Variants in SLC16A1 observed in about 807,000 individuals in gnomAD.
SLC16A1 encodes monocarboxylate transporter 1.
In SLC16A1, 11 loss-of-function variants were observed where a neutral mutation model predicts 32.2. The ratio of observed to expected loss-of-function variants is 0.34; its 90% CI spans 0.21 to 0.56. The LOEUF is 0.56. SLC16A1 is among the 20% of genes least tolerant of loss of function. The probability of loss-of-function intolerance (pLI) is 0.87; values close to 1 mark genes in which losing one functional copy is unlikely to be tolerated. For missense variants in SLC16A1, 435 were observed against 615.0 expected, an observed-to-expected ratio of 0.71 and a Z score of 3.10; for synonymous variants, 231 against 226.8, an observed-to-expected ratio of 1.02 and a Z score of -0.17.
intron 1 of SLC16A1, chr1:112,955,447 C>T (rs1201639981): frequency 6.6e-6 from 1 of 152,256 alleles, no homozygotes; most frequent in South Asian, 2.1e-4. Context: ...CGGGCTGCCC[C>T]GTCCCCTCCG....
chr1:112,923,325 C>T (rs1648806547), intron 2 of SLC16A1: 1 of 446,094 alleles, frequency 2.2e-6, no homozygotes, highest in Admixed American at 3.4e-5. Context: ...AAACAAACAG[C>T]AATCCCTAAA....
chr1:112,948,134 C>T (rs1226507019), intron 1 of SLC16A1, among the ~76,000 whole-genome samples: 3 of 151,992 alleles, frequency 2.0e-5, no homozygotes, highest in South Asian at 2.1e-4. Context: ...GCAAGAGAAT[C>T]GCTTGAACCC....
Position 112,923,949 on chromosome 1 carries a change from G to A in SLC16A1, c.218-1816C>T, listed in dbSNP as rs141246073. The stretch of plus-strand genomic sequence containing the variant: ...GAGGTTCTATGCCTTCAACCCTCTG[G>A]CTGGGGACCTGCTGACTGGCAAGTA... On this transcript the variant is annotated intron_variant, in intron 2 of 4. Coordinates refer to ENST00000369626, the MANE Select transcript of SLC16A1 (RefSeq NM_003051.4). 1.6e-3 allele frequency: 2,347 copies of A among 1,512,754 alleles called. 39 individuals are homozygous for A. The African/African-American group carries it at 0.028, about 18-fold the overall frequency. The allele number at this position is 1,512,754 out of a possible 1,614,324, so 93.7% of individuals were successfully genotyped here. A position where few individuals can be genotyped will look rare whatever the true frequency, so the allele number is the denominator to read the frequency against.
Position 112,917,772 on chromosome 1 carries a change from C to A in SLC16A1, c.634G>T (p.Ala212Ser). The change falls in exon 4 of 5, where the codon GCA becomes TCA. Residue 212 changes from alanine to serine, a missense_variant. Ala to Ser is a moderately conservative substitution (Grantham distance 99). This residue lies in a region of SLC16A1 where 324 missense variants were observed against 500.3 expected (regional missense o/e 0.65). Coordinates refer to ENST00000369626, the MANE Select transcript of SLC16A1 (RefSeq NM_003051.4). The surrounding 1 kb of genome is among the most constrained non-coding windows in gnomAD (Gnocchi z 4.1). ...GATTTTCCAGCTTTCTCAAGGGATG[C>A]TTTAGACTTATCTTTCCCTGCCTTG... ...PTKAGKDKSK[A>S]SLEKAGKSGV... 6.2e-7 allele frequency: 1 copy of A among 1,614,180 alleles called. No homozygotes were observed. Among genetic ancestry groups the A allele is most frequent in the Middle Eastern group, 1.6e-4 (1 of 6,062 alleles).
At chr1:112,947,396 C>G (rs943320142) in intron 1 of SLC16A1, among the ~76,000 whole-genome samples, 1 of 152,128 alleles carries the variant, frequency 6.6e-6, no homozygotes, top group Non-Finnish European at 1.5e-5. Context: ...ATTTCTATTA[C>G]AATCTACTTC....
intron 1 of SLC16A1, among the ~76,000 whole-genome samples, chr1:112,947,335 T>C (rs913658791): frequency 6.6e-6 from 1 of 152,246 alleles, no homozygotes; most frequent in African/African-American, 2.4e-5. Context: ...TTATATCATT[T>C]ATGTTACTTT....
intron 1 of SLC16A1, among the ~76,000 whole-genome samples, chr1:112,941,178 G>T (rs953336246): frequency 6.6e-6 from 1 of 150,838 alleles, no homozygotes; most frequent in East Asian, 1.9e-4. Flanking sequence ...ATGTACCCCA[G>T]AATCTAAAAT....
chr1:112,917,123 C>T lies in SLC16A1; in HGVS notation c.1228+55G>A, dbSNP rs145183086. The stretch of plus-strand genomic sequence containing the variant: ...AATGTTTGCTTTCTGTCAGCATTCC[C>T]ATCTTACATGCTTGTTTTGTAATAG... On this transcript the variant is annotated intron_variant, in intron 4 of 4. Transcript: ENST00000369626. This position sits in a 1 kb window ranked among gnomAD's most constrained non-coding sequence, Gnocchi z 4.1. 6.2e-7 allele frequency: 1 copy of T among 1,610,580 alleles called. No homozygotes were observed. The highest frequency in any genetic ancestry group is 8.5e-7 in the Non-Finnish European group (1 of 1,177,508).
chr1:112,939,270 A>C lies in SLC16A1; in HGVS notation c.-44-9918T>G, dbSNP rs1277778311. ...TGTGGAGAAAAGGAAACCCATGTAC[A>C]CTGTTGGAGGGAATATAAACTGGTG... On this transcript the variant is annotated intron_variant, in intron 1 of 4. Transcript: ENST00000369626. Among the ~76,000 whole-genome samples, 4 of 152,284 alleles carry C rather than the reference A, an allele frequency of 2.6e-5. No homozygotes were observed. In the South Asian group the frequency reaches 6.2e-4, roughly 24 times the overall value.
intron 3 of SLC16A1, among the ~76,000 whole-genome samples, chr1:112,920,591 G>A (rs1175623789): frequency 6.6e-6 from 1 of 151,840 alleles, no homozygotes; most frequent in Non-Finnish European, 1.5e-5. Flanking sequence ...GGCAGTGAGA[G>A]TGAAACTGTG....
intron 1 of SLC16A1, among the ~76,000 whole-genome samples, chr1:112,934,796 T>C (rs1649243738): frequency 6.6e-6 from 1 of 152,220 alleles, no homozygotes; most frequent in Non-Finnish European, 1.5e-5. Context: ...GAATTATCTG[T>C]AGAATATCTT....
In SLC16A1 at chr1:112,912,006, C is replaced by A. The variant is rs190368600; in HGVS notation, c.*1885G>T. The A allele has an allele frequency of 1.3e-5, 2 of 152,298 alleles. No individual in the cohort carries two copies. Among genetic ancestry groups the A allele is most frequent in the South Asian group, 2.1e-4 (1 of 4,830 alleles). 9.4% of individuals were successfully genotyped at this position (152,298 alleles called of 1,614,324 possible). ...AAAATTACAGAGTCCAAACTGAGGC[C>A]AAGCCTGCCAATACTCTCAGCAGCA... On this transcript the variant is annotated 3_prime_UTR_variant, in exon 5 of 5. Transcript: ENST00000369626.
chr1:112,933,178 A>T (rs1294359176), intron 1 of SLC16A1, among the ~76,000 whole-genome samples: 1 of 152,134 alleles, frequency 6.6e-6, no homozygotes, highest in African/African-American at 2.4e-5. Flanking sequence ...AAACAACTAT[A>T]AAAAAAGTTG....
intron 2 of SLC16A1, chr1:112,923,705 C>T: frequency 6.5e-7 from 1 of 1,538,198 alleles, no homozygotes; most frequent in South Asian, 1.1e-5. Context: ...ACCACAGCAC[C>T]CCGGTGGAAG....
At chr1:112,948,566 C>T (rs1366718169) in intron 1 of SLC16A1, among the ~76,000 whole-genome samples, 3 of 146,768 alleles carry the variant, frequency 2.0e-5, no homozygotes, top group South Asian at 2.2e-4. Context: ...TGCAATGGTG[C>T]GATCTGGGCT....
At chr1:112,953,999 G>A (rs1649991369) in intron 1 of SLC16A1, among the ~76,000 whole-genome samples, 1 of 152,184 alleles carries the variant, frequency 6.6e-6, no homozygotes, top group South Asian at 2.1e-4. Flanking sequence ...ACTCTAGGAG[G>A]GCAAGTGGTA....
At chr1:112,928,129 A>G (rs965366881) in intron 2 of SLC16A1, among the ~76,000 whole-genome samples, 1 of 152,194 alleles carries the variant, frequency 6.6e-6, no homozygotes, top group Non-Finnish European at 1.5e-5. Flanking sequence ...AAAGGCACAA[A>G]AAGATAAACA....
chr1:112,922,475 A>C (rs1313497526), intron 2 of SLC16A1: 2 of 329,134 alleles, frequency 6.1e-6, no homozygotes, highest in Non-Finnish European at 1.2e-5. Flanking sequence ...GATACGATTA[A>C]CATGTATGTA....
At chr1:112,923,649 T>C in intron 2 of SLC16A1, 3 of 1,463,478 alleles carry the variant, frequency 2.0e-6, no homozygotes, top group Non-Finnish European at 2.9e-6. Flanking sequence ...GTCACTGAAG[T>C]GGCTGCAGTG....
Sources: allele counts gnomAD v4.1 joint callset (sites outside exome capture counted in the v4.1 genomes callset), GRCh38; gene constraint gnomAD v4.1.1; regional missense constraint gnomAD v4.1.1; non-coding constraint Gnocchi (gnomAD v3.1); transcripts MANE v1.5; gene names NCBI Gene and HGNC (gene_info 2026-07-23, HGNC 2026-07-21).